Variants in HERC6 observed in about 807,000 individuals in gnomAD.
HERC6 encodes probable E3 ubiquitin-protein ligase HERC6.
In HERC6, 101 loss-of-function variants were observed where a neutral mutation model predicts 114.5. The ratio of observed to expected loss-of-function variants is 0.88; its 90% CI spans 0.75 to 1.04. HERC6 has a LOEUF of 1.04. Ranked by LOEUF, HERC6 falls within the 50% of genes least tolerant of loss-of-function variation. HERC6 has a pLI of 0.00. For missense variants in HERC6, 1,133 were observed against 1,230.9 expected (o/e 0.92, Z 1.19); for synonymous variants, 408 against 436.2 (o/e 0.94, Z 0.81).
rs1262540915 is a variant in HERC6 at position 88,386,199 on chromosome 4, C to CTT, written c.436+640_436+641dup. On this transcript the variant is annotated intron_variant, in intron 3 of 22. Transcript: ENST00000264346. ...GCACCCAATTTATCTTTTTTCTTTT[C>CTT]TTTTTTTTTTTTTTTTTCTTTTTTG... Among the ~76,000 whole-genome samples, 303 of 131,910 alleles carry CTT rather than the reference C, an allele frequency of 2.3e-3. 3 individuals are homozygous for CTT. The highest frequency in any genetic ancestry group is 1.6e-3 in the Non-Finnish European group (97 of 61,358). 86.5% of individuals were successfully genotyped at this position (131,910 alleles called of 152,430 possible).
intron 13 of HERC6, among the ~76,000 whole-genome samples, chr4:88,420,655 A>T (rs1578405414): frequency 6.6e-6 from 1 of 152,192 alleles, no homozygotes. Flanking sequence ...TCTCATTTAA[A>T]ATATACAATG....
chr4:88,392,480 A>G (rs1200257097), intron 4 of HERC6, among the ~76,000 whole-genome samples: 1 of 152,140 alleles, frequency 6.6e-6, no homozygotes, highest in Non-Finnish European at 1.5e-5. Context: ...GTGAGACACC[A>G]TGCCTGACCA....
rs1560529433 is a variant in HERC6, at chr4:88,380,353, AATATATATATAATATATAAATAT to A, written c.199+1243_199+1265del. On this transcript the variant is annotated intron_variant, in intron 1 of 22. Transcript: ENST00000264346. ...AATATATAAATATATATATAATATA[AATATATATATAATATATAAATAT>A]ATATATATAATATATAAATATATAT... Among the ~76,000 whole-genome samples the A allele has an allele frequency of 1.0e-3, 37 of 35,296 alleles. 2 individuals are homozygous for A. The highest frequency in any genetic ancestry group is 8.9e-3 in the Middle Eastern group (1 of 112). 23.2% of individuals were successfully genotyped at this position (35,296 alleles called of 152,430 possible). A position where few individuals can be genotyped will look rare whatever the true frequency, so the allele number is the denominator to read the frequency against.
rs570313105 is a variant in HERC6 at position 88,430,612 on chromosome 4, A to ATAAATAAT, written c.2107-550_2107-549insTAAATAAT. ...AATAAATAAATAAATAAATAAATAA[A>ATAAATAAT]AAGAGGGACTGGTTAATGCTGATTT... On this transcript the variant is annotated intron_variant, in intron 16 of 22. Coordinates refer to ENST00000264346, the MANE Select transcript of HERC6 (RefSeq NM_017912.4). 6.6e-3 allele frequency among the ~76,000 whole-genome samples: 1,004 copies of ATAAATAAT among 151,996 alleles called. 15 individuals carry two copies. The highest frequency in any genetic ancestry group is 0.023 in the African/African-American group (963 of 41,434).
Position 88,440,025 on chromosome 4 carries a change from A to C in HERC6, c.2707A>C (p.Asn903His), listed in dbSNP as rs1360973330. The change falls in exon 21 of 23, where the codon AAT becomes CAT. Residue 903 changes from asparagine (N) to histidine (H), a missense_variant. By Grantham distance (68) the Asn-to-His change is moderately conservative. Coordinates refer to ENST00000264346, the MANE Select transcript of HERC6 (RefSeq NM_017912.4). The part of the protein sequence containing the change: ...PEELMTAIIG[N>H]TDYDWKQFEQ... ...AGAACTAATGACAGCAATCATTGGA[A>C]ATACTGATTATGACTGGAAACAGTT... 1 of 1,610,768 alleles carries C rather than the reference A, an allele frequency of 6.2e-7. No individual in the cohort carries two copies. Among genetic ancestry groups the C allele is most frequent in the Non-Finnish European group, 8.5e-7 (1 of 1,179,118 alleles).
chr4:88,385,598 G>C (rs1330745785), intron 3 of HERC6, 23 bp downstream of exon 3: 1 of 1,304,026 alleles, frequency 7.7e-7, no homozygotes, highest in South Asian at 1.4e-5. Context: ...TTTTGGATCT[G>C]AGTGTGAGTA....
chr4:88,430,061 G>T (rs540551085), intron 16 of HERC6, among the ~76,000 whole-genome samples: 2 of 152,202 alleles, frequency 1.3e-5, no homozygotes, highest in Admixed American at 1.3e-4. Context: ...AGGGAAAGTG[G>T]GGCAGGCCCT....
At chr4:88,397,202 T>A (rs1735284893) in intron 7 of HERC6, among the ~76,000 whole-genome samples, 1 of 151,944 alleles carries the variant, frequency 6.6e-6, no homozygotes, top group Admixed American at 6.6e-5. Context: ...AACCTCCGCC[T>A]CCTGGGTTCA....
At chr4:88,410,155 A>T (rs1736012596) in intron 11 of HERC6, among the ~76,000 whole-genome samples, 1 of 152,226 alleles carries the variant, frequency 6.6e-6, no homozygotes, top group Admixed American at 6.5e-5. Flanking sequence ...GGTCCTGATG[A>T]CATGTGCCCA....
intron 8 of HERC6, chr4:88,399,519 C>G (rs1026299258): frequency 1.3e-5 from 2 of 152,260 alleles, no homozygotes; most frequent in Non-Finnish European, 2.9e-5. Flanking sequence ...GCCTGTAATC[C>G]CAGCGCTTTG....
intron 5 of HERC6, among the ~76,000 whole-genome samples, chr4:88,395,684 AT>A (rs996713815): frequency 2.1e-3 from 313 of 148,110 alleles, no homozygotes; most frequent in African/African-American, 2.9e-3. Context: ...AATGCTAATG[AT>A]TTTTTTTTTT....
chr4:88,388,811 G>A (rs921480401), intron 3 of HERC6, among the ~76,000 whole-genome samples: 1 of 152,080 alleles, frequency 6.6e-6, no homozygotes, highest in Non-Finnish European at 1.5e-5. Context: ...GATCAGACAC[G>A]GGAGGGCCTC....
chr4:88,439,781 A>T, intron 20 of HERC6, 93 bp from the exon 21 acceptor site: 1 of 1,214,254 alleles, frequency 8.2e-7, no homozygotes, highest in Non-Finnish European at 1.1e-6. Flanking sequence ...TTCCTTCTCA[A>T]TAGAAATAGT....
chr4:88,408,624 G>A lies in HERC6; in HGVS notation c.1368+7G>A. ...GGAATGGATTTCTTCCATGGTAATA[G>A]CCAATACTTACTTTAGATATAGAAC... On this transcript the variant is annotated splice_region_variant and intron_variant, in intron 11 of 22. Coordinates refer to ENST00000264346, the MANE Select transcript of HERC6 (RefSeq NM_017912.4). 6.6e-7 allele frequency: 1 copy of A among 1,504,578 alleles called. No homozygotes were observed. Among genetic ancestry groups the A allele is most frequent in the South Asian group, 1.2e-5 (1 of 83,796 alleles). 93.2% of individuals were successfully genotyped at this position (1,504,578 alleles called of 1,614,324 possible).
chr4:88,387,748 A>G (rs1734662134), intron 3 of HERC6, among the ~76,000 whole-genome samples: 1 of 152,230 alleles, frequency 6.6e-6, no homozygotes, highest in Non-Finnish European at 1.5e-5. Flanking sequence ...ATTGAGTGAG[A>G]GAAGATACCC....
intron 4 of HERC6, among the ~76,000 whole-genome samples, chr4:88,392,713 C>T (rs1578375450): frequency 6.6e-6 from 1 of 152,174 alleles, no homozygotes; most frequent in African/African-American, 2.4e-5. Context: ...CAGTTAAGGC[C>T]ACCTCTATGA....
At chr4:88,379,330 C>G (rs1471163996) in intron 1 of HERC6, among the ~76,000 whole-genome samples, 2 of 152,020 alleles carry the variant, frequency 1.3e-5, no homozygotes, top group African/African-American at 2.4e-5. Flanking sequence ...GCCCGAAGAG[C>G]CACAGGAACC....
In HERC6 at chr4:88,428,704, G is replaced by A. The variant is rs755742691; in HGVS notation, c.2060G>A (p.Arg687His). 137 of 1,591,912 alleles carry A rather than the reference G, an allele frequency of 8.6e-5. No homozygotes were observed. Among genetic ancestry groups the A allele is most frequent in the Non-Finnish European group, 1.0e-4 (117 of 1,170,406 alleles). ...RRSRLVKDAL[R>H]QLSQAEATDF... ...AGTCGCCTGGTTAAAGATGCTCTGC[G>A]TCAATTAAGTCAAGCTGAAGCTACT... Residue 687 changes from arginine to histidine, a missense_variant, in exon 16 of 23, where the codon CGT (arginine) becomes CAT (histidine). Around this residue, in one of 3 missense-constraint regions of HERC6, gnomAD observed 388 missense variants for 445.9 expected, o/e 0.87. Transcript: ENST00000264346.
chr4:88,385,191 A>AATTT (rs556679609), intron 2 of HERC6, among the ~76,000 whole-genome samples: 48 of 152,304 alleles, frequency 3.2e-4, no homozygotes, highest in African/African-American at 1.2e-3. Flanking sequence ...ATGCAGAAAA[A>AATTT]ATTTATTTCT....
Sources: allele counts gnomAD v4.1 joint callset (sites outside exome capture counted in the v4.1 genomes callset), GRCh38; gene constraint gnomAD v4.1.1; regional missense constraint gnomAD v4.1.1; transcripts MANE v1.5; gene names NCBI Gene and HGNC (gene_info 2026-07-23, HGNC 2026-07-21).